The following CHORDC1 variants were observed in gnomAD, a reference collection of about 807,000 sequenced individuals.
CHORDC1 encodes cysteine and histidine-rich domain-containing protein 1.
In CHORDC1, 25 loss-of-function variants were observed where a neutral mutation model predicts 48.3. The observed-to-expected ratio is 0.52, with a 90% confidence interval of 0.38 to 0.72. CHORDC1 has a LOEUF of 0.72. Among genes scored for constraint, CHORDC1 ranks in the 30% least tolerant of loss-of-function variants. The pLI, the probability that CHORDC1 is intolerant of heterozygous loss-of-function variation, is 0.00. For synonymous variants in CHORDC1, 128 were observed against 126.4 expected (o/e 1.01, Z -0.09); for missense variants, 317 against 388.7 (o/e 0.82, Z 1.55).
Position 90,211,215 on chromosome 11 carries a change from C to G in CHORDC1, c.433G>C (p.Glu145Gln). ...ACAATAAAACAAAATAAAATCTTAC[C>G]TTTCTTATTTTCTTCATTCCCTGAT... ...LSSGNEENKK[E>Q]EDNDEIKIGT... Residue 145 changes from glutamate to glutamine, a missense_variant and splice_region_variant, in exon 5 of 11, where the codon GAA becomes CAA. Glu to Gln is a conservative substitution (Grantham distance 29). Transcript: ENST00000320585. 1.3e-6 allele frequency: 2 copies of G among 1,547,572 alleles called. No homozygotes were observed. Among genetic ancestry groups the G allele is most frequent in the Non-Finnish European group, 1.8e-6 (2 of 1,124,430 alleles).
rs1157411463 is a variant in CHORDC1 at position 90,203,410 on chromosome 11, T to G, written c.687A>C (p.Pro229=). 1 of 1,565,108 alleles carries G rather than the reference T, an allele frequency of 6.4e-7. No individual in the cohort carries two copies. Among genetic ancestry groups the G allele is most frequent in the Non-Finnish European group, 8.7e-7 (1 of 1,146,000 alleles). The stretch of plus-strand genomic sequence containing the variant: ...CAGTCTGATGCCAGTCATGTCTACA[T>G]GGAACAACTTTTTTCCCCTGTAATG... ...TKKDAGKKVV[P]CRHDWHQTGG... The change falls in exon 9 of 11, where the codon CCA becomes CCC. Residue 229 remains proline (P), a synonymous_variant. Coordinates refer to ENST00000320585, the MANE Select transcript of CHORDC1 (RefSeq NM_012124.3).
chr11:90,215,241 C>A lies in CHORDC1; in HGVS notation c.115-11G>T. The A allele has an allele frequency of 6.5e-7, 1 of 1,538,214 alleles. No individual in the cohort carries two copies. The highest frequency in any genetic ancestry group is 8.8e-7 in the Non-Finnish European group (1 of 1,137,146). The stretch of plus-strand genomic sequence containing the variant: ...ACAGCAAGACCAACCCTATGAAAAA[C>A]AAGAGAAGGAAACTAAAAACTCTAT... On this transcript the variant is annotated splice_polypyrimidine_tract_variant and intron_variant, in intron 2 of 10. Transcript: ENST00000320585.
intron 2 of CHORDC1, among the ~76,000 whole-genome samples, chr11:90,216,229 T>C (rs2135051465): frequency 6.6e-6 from 1 of 152,248 alleles, no homozygotes; most frequent in South Asian, 2.1e-4. Flanking sequence ...TACTAAATTA[T>C]GTCAGATACT....
chr11:90,202,303 C>T lies in CHORDC1; in HGVS notation c.*102G>A. On this transcript the variant is annotated 3_prime_UTR_variant, in exon 11 of 11. Coordinates refer to ENST00000320585, the MANE Select transcript of CHORDC1 (RefSeq NM_012124.3). ...AATGTTAACCCTGAAATGCCACATT[C>T]AGTAACACAACAACAAAACAAAAGA... The T allele has an allele frequency of 8.8e-7, 1 of 1,136,546 alleles. No individual in the cohort carries two copies. Among genetic ancestry groups the T allele is most frequent in the Non-Finnish European group, 1.3e-6 (1 of 783,874 alleles). The allele number at this position is 1,136,546 out of a possible 1,614,324, so 70.4% of individuals were successfully genotyped here. A position where few individuals can be genotyped will look rare whatever the true frequency, so the allele number is the denominator to read the frequency against.
Position 90,200,958 on chromosome 11 carries a change from C to T in CHORDC1, c.*1447G>A, listed in dbSNP as rs1857530829. Among the ~76,000 whole-genome samples the T allele has an allele frequency of 6.6e-6, 1 of 151,906 alleles. No individual in the cohort carries two copies. The highest frequency in any genetic ancestry group is 2.4e-5 in the African/African-American group (1 of 41,414). On this transcript the variant is annotated 3_prime_UTR_variant, in exon 11 of 11. Transcript: ENST00000320585. ...GATGCTTATGTACTCCATGTGGGTC[C>T]AACTTTTACTGCCCAGAGTTTCTTG... is the stretch of plus-strand genomic sequence containing the variant.
chr11:90,206,655 G>C, intron 6 of CHORDC1: 1 of 524,920 alleles, frequency 1.9e-6, no homozygotes, highest in Non-Finnish European at 3.1e-6. Context: ...TGTAAGTATT[G>C]TCAAATAATA....
At chr11:90,213,468 T>A (rs1223494605) in intron 4 of CHORDC1, 1 of 674,934 alleles carries the variant, frequency 1.5e-6, no homozygotes, top group Non-Finnish European at 2.7e-6. Context: ...ATACAGAGTC[T>A]GGTTATCAGA....
At position 90,222,943 on chromosome 11, in the gene CHORDC1, C is replaced by T. The variant is rs1356057028; in HGVS notation, c.12G>A (p.Leu4=). Residue 4 remains leucine, a synonymous_variant, in exon 1 of 11, where the codon CTG becomes CTA. Coordinates refer to ENST00000320585, the MANE Select transcript of CHORDC1 (RefSeq NM_012124.3). ...GCTGACCGCAGCCCCGGTTGTAGCA[C>T]AGCAAGGCCATTTTCTTTTCCCACC... MAL[L]CYNRGCGQRF... is the part of the protein sequence containing the mutation. 3 of 1,614,056 alleles carry T rather than the reference C, an allele frequency of 1.9e-6. No individual in the cohort carries two copies. In the Admixed American group the frequency reaches 5.0e-5, roughly 27 times the overall value.
chr11:90,206,296 A>AC (rs1857683906), intron 6 of CHORDC1, 24 bp from the exon 7 acceptor site: 1 of 1,290,736 alleles, frequency 7.7e-7, no homozygotes, highest in Non-Finnish European at 1.1e-6. Context: ...AAAGAGAAAA[A>AC]AAATTAGCTG....
Position 90,215,228 on chromosome 11 carries a change from A to G in CHORDC1, c.117T>C (p.Gly39=). Residue 39 remains glycine, a splice_region_variant and synonymous_variant, in exon 3 of 11, where the codon GGT becomes GGC. Coordinates refer to ENST00000320585, the MANE Select transcript of CHORDC1 (RefSeq NM_012124.3). ...GVPVFHDALK[G]WSCCKRRTTD... Reference sequence around the variant, plus strand: ...TTGTTCTTCTCTTACAGCAAGACCAACCCTATGAAAAACAAGAGAAGGAAA... The same window carrying G: ...TTGTTCTTCTCTTACAGCAAGACCAGCCCTATGAAAAACAAGAGAAGGAAA... The G allele has an allele frequency of 1.3e-6, 2 of 1,554,180 alleles. No individual in the cohort carries two copies. The highest frequency in any genetic ancestry group is 3.4e-4 in the Middle Eastern group (2 of 5,952).
intron 4 of CHORDC1, chr11:90,212,955 C>T (rs1857911302): frequency 6.6e-6 from 1 of 152,510 alleles, no homozygotes; most frequent in East Asian, 1.9e-4. Context: ...AACAGCCCAT[C>T]ATTTAAAGAA....
chr11:90,222,809 TC>T, intron 1 of CHORDC1, 81 bp downstream of exon 1: 1 of 1,285,518 alleles, frequency 7.8e-7, no homozygotes, highest in Non-Finnish European at 1.1e-6. Flanking sequence ...CTGCAGGAGA[TC>T]CGCGGACACC....
chr11:90,202,982 A>G, intron 9 of CHORDC1, 107 bp from the exon 10 acceptor site: 2 of 1,313,144 alleles, frequency 1.5e-6, no homozygotes, highest in Non-Finnish European at 2.0e-6. Context: ...AGCTATTTTA[A>G]GAAACTGCCA....
chr11:90,202,303 C>G lies in CHORDC1; in HGVS notation c.*102G>C. The G allele has an allele frequency of 8.8e-7, 1 of 1,136,546 alleles. No homozygotes were observed. The highest frequency in any genetic ancestry group is 1.3e-6 in the Non-Finnish European group (1 of 783,874). The allele number at this position is 1,136,546 out of a possible 1,614,324, so 70.4% of individuals were successfully genotyped here. A position where few individuals can be genotyped will look rare whatever the true frequency, so the allele number is the denominator to read the frequency against. On this transcript the variant is annotated 3_prime_UTR_variant, in exon 11 of 11. Coordinates refer to ENST00000320585, the MANE Select transcript of CHORDC1 (RefSeq NM_012124.3). The stretch of plus-strand genomic sequence containing the variant: ...AATGTTAACCCTGAAATGCCACATT[C>G]AGTAACACAACAACAAAACAAAAGA...
intron 2 of CHORDC1, among the ~76,000 whole-genome samples, chr11:90,216,106 T>A (rs531781990): frequency 6.6e-6 from 1 of 152,138 alleles, no homozygotes; most frequent in African/African-American, 2.4e-5. Flanking sequence ...TTACTCCGAA[T>A]TGAGATGTAG....
chr11:90,215,241 C>T lies in CHORDC1; in HGVS notation c.115-11G>A, dbSNP rs1238434757. ...ACAGCAAGACCAACCCTATGAAAAA[C>T]AAGAGAAGGAAACTAAAAACTCTAT... On this transcript the variant is annotated splice_polypyrimidine_tract_variant and intron_variant, in intron 2 of 10. Coordinates refer to ENST00000320585, the MANE Select transcript of CHORDC1 (RefSeq NM_012124.3). The T allele has an allele frequency of 8.5e-6, 13 of 1,538,098 alleles. No individual in the cohort carries two copies. Among genetic ancestry groups the T allele is most frequent in the African/African-American group, 2.8e-5 (2 of 72,092 alleles).
chr11:90,210,626 A>T (rs1857833761), intron 5 of CHORDC1, 32 bp from the exon 6 acceptor site: 2 of 1,409,238 alleles, frequency 1.4e-6, no homozygotes, highest in East Asian at 4.6e-5. Context: ...CAAATTAAAA[A>T]GTTAAAATAG....
chr11:90,220,233 C>T (rs903115887), intron 1 of CHORDC1, among the ~76,000 whole-genome samples: 1 of 152,170 alleles, frequency 6.6e-6, no homozygotes, highest in Non-Finnish European at 1.5e-5. Flanking sequence ...CTGGTGCTCA[C>T]AGAAATCTCC....
intron 1 of CHORDC1, among the ~76,000 whole-genome samples, chr11:90,219,301 C>T (rs1471392034): frequency 6.6e-6 from 1 of 152,112 alleles, no homozygotes; most frequent in Admixed American, 6.6e-5. Flanking sequence ...AGTTCTACAG[C>T]CTATTTTCTA....
Sources: allele counts gnomAD v4.1 joint callset (sites outside exome capture counted in the v4.1 genomes callset), GRCh38; gene constraint gnomAD v4.1.1; transcripts MANE v1.5; gene names NCBI Gene and HGNC (gene_info 2026-07-23, HGNC 2026-07-21).